The following KPNA1 variants were observed in gnomAD, a reference collection of about 807,000 sequenced individuals.
KPNA1 encodes the protein importin subunit alpha-5.
In KPNA1, 10 loss-of-function variants were observed where a neutral mutation model predicts 70.5. The ratio of observed to expected loss-of-function variants is 0.14; its 90% CI spans 0.09 to 0.24. The LOEUF is 0.24. KPNA1 is among the 10% of genes least tolerant of loss of function. The pLI is 1.00. For synonymous variants in KPNA1, 192 were observed against 221.9 expected, an observed-to-expected ratio of 0.87 and a Z score of 1.20; for missense variants, 397 against 637.9, an observed-to-expected ratio of 0.62 and a Z score of 4.07.
intron 4 of KPNA1, among the ~76,000 whole-genome samples, chr3:122,462,386 A>G (rs1024902963): frequency 1.3e-5 from 2 of 152,218 alleles, no homozygotes; most frequent in African/African-American, 2.4e-5. Context: ...TTACTATGCC[A>G]TGACTATCAA....
intron 1 of KPNA1, among the ~76,000 whole-genome samples, chr3:122,512,443 T>C (rs945120172): frequency 6.6e-6 from 1 of 152,240 alleles, no homozygotes; most frequent in African/African-American, 2.4e-5. Flanking sequence ...ATAATGCGGC[T>C]GGGCGCGGTG....
intron 1 of KPNA1, among the ~76,000 whole-genome samples, chr3:122,502,760 A>G (rs2076843342): frequency 6.6e-6 from 1 of 152,224 alleles, no homozygotes. Context: ...TGAAGCAGGC[A>G]GCATTTTAGC....
intron 7 of KPNA1, 91 bp from the exon 8 acceptor site, chr3:122,451,724 G>C (rs926961365): frequency 1.1e-5 from 9 of 814,286 alleles, no homozygotes; most frequent in Non-Finnish European, 1.8e-5. Context: ...TTGATAAAGA[G>C]ATGTCTTCAG....
At chr3:122,458,351 A>G (rs2076286756) in intron 5 of KPNA1, among the ~76,000 whole-genome samples, 1 of 152,158 alleles carries the variant, frequency 6.6e-6, no homozygotes, top group Non-Finnish European at 1.5e-5. Flanking sequence ...GCTAAAAGCC[A>G]TTGTCTGCTT....
chr3:122,463,829 CTTTT>C, intron 4 of KPNA1, 109 bp downstream of exon 4: 1 of 506,944 alleles, frequency 2.0e-6, no homozygotes, highest in Non-Finnish European at 3.5e-6. Context: ...TATTTTTATT[CTTTT>C]ATTGATAAAA....
rs1159559767 is a variant in KPNA1, at chr3:122,422,713, C to CTT, written c.*4270_*4271dup. 4 of 152,328 alleles carry CTT rather than the reference C, an allele frequency of 2.6e-5. No homozygotes were observed. The highest frequency in any genetic ancestry group is 9.6e-5 in the African/African-American group (4 of 41,574). The allele number at this position is 152,328 out of a possible 1,614,324, so 9.4% of individuals were successfully genotyped here. Reference sequence around the variant, plus strand: ...CAAAGTAATTTCTCGTAAGTCTTCACTTTGTCATCTATAATATAGTGACAA... The same window carrying CTT: ...CAAAGTAATTTCTCGTAAGTCTTCACTTTTTGTCATCTATAATATAGTGACAA... On this transcript the variant is annotated 3_prime_UTR_variant, in exon 14 of 14. Coordinates refer to ENST00000344337, the MANE Select transcript of KPNA1 (RefSeq NM_002264.4).
intron 4 of KPNA1, among the ~76,000 whole-genome samples, chr3:122,462,348 T>A (rs2076333605): frequency 6.6e-6 from 1 of 151,564 alleles, no homozygotes; most frequent in Admixed American, 6.6e-5. Context: ...CACTAGGGAG[T>A]TTAGTTTGCT....
chr3:122,441,451 G>A (rs541509025), intron 10 of KPNA1, among the ~76,000 whole-genome samples: 1 of 152,170 alleles, frequency 6.6e-6, no homozygotes, highest in Non-Finnish European at 1.5e-5. Context: ...AGAGGATTCT[G>A]ATGCCCATGA....
intron 2 of KPNA1, among the ~76,000 whole-genome samples, chr3:122,486,791 G>T (rs1425132235): frequency 1.3e-5 from 2 of 152,062 alleles, no homozygotes; most frequent in African/African-American, 4.8e-5. Context: ...TTTCACCAAT[G>T]TTAGCCAGGA....
At chr3:122,514,103 A>T (rs911397378) in intron 1 of KPNA1, among the ~76,000 whole-genome samples, 1 of 151,984 alleles carries the variant, frequency 6.6e-6, no homozygotes, top group Admixed American at 6.5e-5. Context: ...CTCGCATCGC[A>T]CACGCGGCGT....
chr3:122,448,991 C>A (rs1264011099), intron 9 of KPNA1, among the ~76,000 whole-genome samples: 1 of 152,136 alleles, frequency 6.6e-6, no homozygotes, highest in Non-Finnish European at 1.5e-5. Context: ...GTCATGTTTG[C>A]GACAATGTCT....
At chr3:122,476,893 A>G (rs1576323692) in intron 2 of KPNA1, among the ~76,000 whole-genome samples, 1 of 149,696 alleles carries the variant, frequency 6.7e-6, no homozygotes, top group Non-Finnish European at 1.5e-5. Flanking sequence ...AACTAAAAAA[A>G]GAATTACCAT....
intron 2 of KPNA1, among the ~76,000 whole-genome samples, chr3:122,485,254 T>C (rs1053796129): frequency 2.0e-5 from 3 of 152,166 alleles, no homozygotes; most frequent in African/African-American, 7.2e-5. Context: ...GCTCTAACAC[T>C]ACCTGATTTG....
intron 2 of KPNA1, among the ~76,000 whole-genome samples, chr3:122,495,262 C>CAAAAAAAAAAA (rs748751423): frequency 3.2e-4 from 28 of 86,460 alleles, no homozygotes; most frequent in African/African-American, 6.0e-4. Flanking sequence ...TCAAACAAAC[C>CAAAAAAAAAAA]AAAAAAAAAA....
intron 8 of KPNA1, 37 bp downstream of exon 8, chr3:122,451,497 A>AT (rs761605976): frequency 1.7e-6 from 2 of 1,196,420 alleles, no homozygotes; most frequent in South Asian, 2.8e-5. Flanking sequence ...TTTTAATTGT[A>AT]TTTTTTCTGC....
At chr3:122,484,960 C>T (rs977740326) in intron 2 of KPNA1, among the ~76,000 whole-genome samples, 2 of 152,172 alleles carry the variant, frequency 1.3e-5, no homozygotes, top group African/African-American at 4.8e-5. Flanking sequence ...TGCAGGGGCA[C>T]AATCATACCT....
chr3:122,474,142 C>T (rs2076472945), intron 2 of KPNA1, among the ~76,000 whole-genome samples: 1 of 152,030 alleles, frequency 6.6e-6, no homozygotes, highest in African/African-American at 2.4e-5. Flanking sequence ...ATGAATCTAA[C>T]AAAACATATA....
At chr3:122,478,839 AGCCAAGATTGT>A (rs1228018050) in intron 2 of KPNA1, among the ~76,000 whole-genome samples, 1 of 141,404 alleles carries the variant, frequency 7.1e-6, no homozygotes, top group African/African-American at 2.6e-5. Flanking sequence ...GGTTGCAATG[AGCCAAGATTGT>A]GCCATTGCTC....
intron 11 of KPNA1, 53 bp from the exon 12 acceptor site, chr3:122,433,841 T>C: frequency 7.4e-7 from 1 of 1,346,738 alleles, no homozygotes; most frequent in Non-Finnish European, 1.0e-6. Flanking sequence ...TATAAAAATA[T>C]TCATGATACT....
Sources: gnomAD v4.1 joint callset for allele counts (sites outside exome capture counted in the v4.1 genomes callset) on GRCh38, gnomAD v4.1.1 for gene constraint, MANE v1.5 for transcripts, NCBI Gene and HGNC (gene_info 2026-07-23, HGNC 2026-07-21) for gene names.